The following TLK1 variants were observed in gnomAD, a reference collection of about 807,000 sequenced individuals.
TLK1 encodes serine/threonine-protein kinase tousled-like 1.
In TLK1, 24 loss-of-function variants were observed where a neutral mutation model predicts 105.3. That is an observed-to-expected ratio of 0.23 (90% CI 0.17 to 0.32). TLK1 has a LOEUF of 0.32. Among genes scored for constraint, TLK1 ranks in the 10% least tolerant of loss-of-function variants. TLK1 has a pLI of 1.00. For missense variants in TLK1, 558 were observed against 910.5 expected (o/e 0.61, Z 4.98); for synonymous variants, 321 against 310.4 (o/e 1.03, Z -0.36).
Position 170,993,674 on chromosome 2 carries a change from A to T in TLK1, c.*106T>A. On this transcript the variant is annotated 3_prime_UTR_variant, in exon 21 of 21. Coordinates refer to ENST00000431350, the MANE Select transcript of TLK1 (RefSeq NM_012290.5). ...TTCTTAACCACGTCTTGTGTAAAAAAAAAAAAAAAAAAAAAAGAAAAAGAA... is the reference window on the plus strand; with the variant it reads ...TTCTTAACCACGTCTTGTGTAAAAATAAAAAAAAAAAAAAAAGAAAAAGAA... 1 of 703,382 alleles carries T rather than the reference A, an allele frequency of 1.4e-6. No individual in the cohort carries two copies. Among genetic ancestry groups the T allele is most frequent in the Non-Finnish European group, 2.0e-6 (1 of 506,714 alleles). The allele number at this position is 703,382 out of a possible 1,614,324, so 43.6% of individuals were successfully genotyped here.
chr2:171,195,161 C>A (rs1244637143), intron 1 of TLK1, among the ~76,000 whole-genome samples: 1 of 152,118 alleles, frequency 6.6e-6, no homozygotes, highest in African/African-American at 2.4e-5. Flanking sequence ...CTGAAAACAC[C>A]CTTTTCCTGA....
chr2:171,155,929 C>T (rs929806253), intron 1 of TLK1, among the ~76,000 whole-genome samples: 4 of 152,118 alleles, frequency 2.6e-5, no homozygotes, highest in Admixed American at 2.0e-4. Context: ...TTTTTAAATC[C>T]TATTTACTGA....
intron 12 of TLK1, among the ~76,000 whole-genome samples, chr2:171,021,677 T>A (rs928989301): frequency 6.6e-6 from 1 of 152,164 alleles, no homozygotes; most frequent in African/African-American, 2.4e-5. Context: ...CTCTTTTTTG[T>A]GAAAGTTATC....
chr2:171,174,564 T>A (rs1039065792), intron 1 of TLK1, among the ~76,000 whole-genome samples: 23 of 152,304 alleles, frequency 1.5e-4, no homozygotes, highest in African/African-American at 5.5e-4. Flanking sequence ...ACTAGTATAA[T>A]CTTTATTATA....
chr2:171,159,435 G>T (rs997995671), intron 1 of TLK1, among the ~76,000 whole-genome samples: 5 of 152,210 alleles, frequency 3.3e-5, no homozygotes, highest in African/African-American at 1.2e-4. Context: ...TACAAGCTGT[G>T]TAACTGCTAC....
intron 1 of TLK1, among the ~76,000 whole-genome samples, chr2:171,180,782 T>G (rs1041471488): frequency 6.6e-6 from 1 of 151,940 alleles, no homozygotes; most frequent in African/African-American, 2.4e-5. Flanking sequence ...TCACTTGACA[T>G]GTTAGGACTA....
At chr2:171,135,771 C>T (rs1159645986) in intron 1 of TLK1, among the ~76,000 whole-genome samples, 2 of 151,818 alleles carry the variant, frequency 1.3e-5, no homozygotes, top group Non-Finnish European at 2.9e-5. Flanking sequence ...CACTGCACTC[C>T]AACGTGGGCG....
At chr2:171,102,055 G>C (rs918477620) in intron 2 of TLK1, among the ~76,000 whole-genome samples, 1 of 152,030 alleles carries the variant, frequency 6.6e-6, no homozygotes, top group African/African-American at 2.4e-5. Context: ...TATGTTCTTT[G>C]GTTCCTCCCT....
At chr2:171,146,397 G>A (rs1244771727) in intron 1 of TLK1, among the ~76,000 whole-genome samples, 1 of 152,010 alleles carries the variant, frequency 6.6e-6, no homozygotes, top group Middle Eastern at 3.2e-3. Context: ...CTCAAACCTT[G>A]TTATGACATC....
At chr2:171,013,033 A>T (rs1684996284) in intron 13 of TLK1, among the ~76,000 whole-genome samples, 2 of 149,382 alleles carry the variant, frequency 1.3e-5, no homozygotes, top group South Asian at 4.2e-4. Flanking sequence ...TTGGAGACAG[A>T]GTCTCACTTT....
chr2:171,076,849 G>C lies in TLK1; in HGVS notation c.330+5932C>G, dbSNP rs562216418. Among the ~76,000 whole-genome samples the C allele has an allele frequency of 4.5e-4, 68 of 151,956 alleles. 1 individual carries two copies. Among genetic ancestry groups the C allele is most frequent in the Admixed American group, 1.2e-3 (19 of 15,262 alleles). Reference sequence around the variant, plus strand: ...GAATGGCGTGAACCCGGGAGGCAGAGCTTGCAGTGAGCCGAGATGGCGCCA... The same window carrying C: ...GAATGGCGTGAACCCGGGAGGCAGACCTTGCAGTGAGCCGAGATGGCGCCA... On this transcript the variant is annotated intron_variant, in intron 3 of 20. Transcript: ENST00000431350.
Position 171,200,881 on chromosome 2 carries a change from CTTT to C in TLK1, c.-6+30261_-6+30263del, listed in dbSNP as rs34320208. On this transcript the variant is annotated intron_variant, in intron 1 of 20. Transcript: ENST00000521943. ...ATTAGGCACTTGGCTCAGATCCCTTCTTTTTTTTTTTTTTTTTTGAGACAGAGT... is the reference window on the plus strand; with the variant it reads ...ATTAGGCACTTGGCTCAGATCCCTTCTTTTTTTTTTTTTTTGAGACAGAGT... Among the ~76,000 whole-genome samples the C allele has an allele frequency of 1.1e-3, 144 of 129,654 alleles. 2 individuals are homozygous for C. The highest frequency in any genetic ancestry group is 7.1e-3 in the South Asian group (28 of 3,934). The allele number at this position is 129,654 out of a possible 152,430, so 85.1% of individuals were successfully genotyped here. A position where few individuals can be genotyped will look rare whatever the true frequency, so the allele number is the denominator to read the frequency against.
upstream of TLK1, among the ~76,000 whole-genome samples, chr2:171,161,545 T>C (rs1295701331): frequency 2.0e-5 from 3 of 152,180 alleles, no homozygotes; most frequent in Admixed American, 2.0e-4. Context: ...GAGTGAAGAA[T>C]CTTTAATGAG....
intron 1 of TLK1, among the ~76,000 whole-genome samples, chr2:171,213,516 TA>T (rs1267352354): frequency 4.2e-4 from 63 of 149,384 alleles, no homozygotes; most frequent in Non-Finnish European, 6.6e-4. Flanking sequence ...ATCTTTTTTT[TA>T]AAAAAAAAAA....
At chr2:171,182,454 G>T (rs935611300) in intron 1 of TLK1, among the ~76,000 whole-genome samples, 1 of 152,100 alleles carries the variant, frequency 6.6e-6, no homozygotes, top group African/African-American at 2.4e-5. Context: ...TGATGTTCCA[G>T]CAGGATCTAA....
chr2:171,022,084 AAAACACACACAC>A (rs1323957379), intron 12 of TLK1, among the ~76,000 whole-genome samples: 12 of 14,910 alleles, frequency 8.0e-4, no homozygotes, highest in Non-Finnish European at 1.1e-3. Flanking sequence ...GCCTGGGCGA[AAAACACACACAC>A]ACACACACAC....
intron 10 of TLK1, among the ~76,000 whole-genome samples, chr2:171,048,521 T>C (rs1400364369): frequency 7.8e-6 from 1 of 128,598 alleles, no homozygotes; most frequent in East Asian, 2.7e-4. Flanking sequence ...CTAATAATAT[T>C]TTCACATTAC....
intron 1 of TLK1, among the ~76,000 whole-genome samples, chr2:171,143,104 T>C (rs1691650236): frequency 6.6e-6 from 1 of 151,032 alleles, no homozygotes; most frequent in Non-Finnish European, 1.5e-5. Context: ...AATGAAGGAA[T>C]GAATGAATGA....
intron 1 of TLK1, among the ~76,000 whole-genome samples, chr2:171,207,924 A>G (rs6737873): frequency 0.31 from 46,559 of 151,724 alleles, 8,105 homozygotes; most frequent in East Asian, 0.54. Context: ...ATGGAGTTTC[A>G]CCATGTTGGT....
Sources: allele counts gnomAD v4.1 joint callset (sites outside exome capture counted in the v4.1 genomes callset), GRCh38; gene constraint gnomAD v4.1.1; transcripts MANE v1.5; gene names NCBI Gene and HGNC (gene_info 2026-07-23, HGNC 2026-07-21).